The following DROSHA variants were observed in gnomAD, a reference collection of about 807,000 sequenced individuals.
DROSHA encodes drosha ribonuclease III.
Under a neutral mutation model 181.9 loss-of-function variants are expected in DROSHA, and 56 were observed. The observed-to-expected ratio is 0.31, with a 90% CI of 0.25 to 0.38. The LOEUF (loss-of-function observed/expected upper bound fraction) is 0.38, where lower values mean the gene tolerates loss of function less well. Ranked by LOEUF, DROSHA falls within the 10% of genes least tolerant of loss-of-function variation. The pLI is 1.00. For synonymous variants in DROSHA, 524 were observed against 591.2 expected (o/e 0.89, Z 1.65); for missense variants, 1,218 against 1,743.5 (o/e 0.70, Z 5.37).
intron 23 of DROSHA, among the ~76,000 whole-genome samples, chr5:31,439,431 G>A (rs1226326057): frequency 3.9e-5 from 6 of 152,196 alleles, no homozygotes; most frequent in South Asian, 2.1e-4. Context: ...AATAATGGTC[G>A]CAAAGCACAA....
At chr5:31,483,703 C>T (rs1751344236) in intron 15 of DROSHA, 75 bp from the exon 16 acceptor site, 1 of 1,414,540 alleles carries the variant, frequency 7.1e-7, no homozygotes, top group African/African-American at 1.5e-5. Flanking sequence ...AACTTAATTT[C>T]TAAGATTTAT....
intron 7 of DROSHA, 46 bp from the exon 8 acceptor site, chr5:31,515,265 A>G: frequency 6.4e-7 from 1 of 1,556,384 alleles, no homozygotes; most frequent in Non-Finnish European, 8.7e-7. Context: ...ATACTCTTCC[A>G]CTGTAAAAAC....
intron 23 of DROSHA, 29 bp downstream of exon 23, chr5:31,448,518 T>C (rs752662127): frequency 3.2e-6 from 5 of 1,584,496 alleles, no homozygotes; most frequent in Non-Finnish European, 4.3e-6. Flanking sequence ...TATATATCAA[T>C]CAGGTTGTTT....
chr5:31,429,941 A>C (rs1743968840), intron 26 of DROSHA, among the ~76,000 whole-genome samples: 1 of 152,138 alleles, frequency 6.6e-6, no homozygotes, highest in South Asian at 2.1e-4. Flanking sequence ...TACCTAAGGA[A>C]AAAAAAACCT....
chr5:31,490,055 T>C (rs915145394), intron 13 of DROSHA, among the ~76,000 whole-genome samples: 9 of 152,102 alleles, frequency 5.9e-5, no homozygotes, highest in African/African-American at 2.2e-4. Flanking sequence ...TGTGTATTTT[T>C]GGTAGAGACA....
intron 20 of DROSHA, among the ~76,000 whole-genome samples, chr5:31,458,485 AAGAC>A (rs1232176278): frequency 2.0e-5 from 3 of 152,334 alleles, no homozygotes; most frequent in Admixed American, 6.5e-5. Flanking sequence ...TAAATGAAGA[AAGAC>A]AGAATTTGAA....
At chr5:31,451,074 C>A (rs192243833) in intron 21 of DROSHA, among the ~76,000 whole-genome samples, 2 of 151,994 alleles carry the variant, frequency 1.3e-5, no homozygotes, top group Non-Finnish European at 2.9e-5. Context: ...TGGTGGCGGG[C>A]GCCTGTAATT....
intron 15 of DROSHA, among the ~76,000 whole-genome samples, chr5:31,484,651 C>T (rs1026796629): frequency 3.9e-5 from 6 of 152,144 alleles, no homozygotes; most frequent in African/African-American, 1.4e-4. Flanking sequence ...GTACCATCTT[C>T]AAGCCGCTAC....
At chr5:31,504,174 C>T (rs1308562753) in intron 11 of DROSHA, among the ~76,000 whole-genome samples, 1 of 152,102 alleles carries the variant, frequency 6.6e-6, no homozygotes, top group African/African-American at 2.4e-5. Context: ...AAAGGACAGA[C>T]TAACAGAGAG....
rs904306425 is a variant in DROSHA, at chr5:31,470,127, C to G, written c.2241+1936G>C. 1.3e-5 allele frequency among the ~76,000 whole-genome samples: 2 copies of G among 152,298 alleles called. No homozygotes were observed. Among genetic ancestry groups the G allele is most frequent in the Admixed American group, 1.3e-4 (2 of 15,288 alleles). The stretch of plus-strand genomic sequence containing the variant: ...ATAAAAGAATTAACTTCAACACATT[C>G]CTAAGCCTGACACTGAAACTTCCAA... On this transcript the variant is annotated intron_variant, in intron 17 of 35. Coordinates refer to ENST00000344624, the MANE Select transcript of DROSHA (RefSeq NM_001382508.1). The surrounding 1 kb of genome is among the most constrained non-coding windows in gnomAD (Gnocchi z 4.0).
chr5:31,421,387 G>C lies in DROSHA; in HGVS notation c.3420-10C>G. 1 of 1,598,558 alleles carries C rather than the reference G, an allele frequency of 6.3e-7. No individual in the cohort carries two copies. The highest frequency in any genetic ancestry group is 8.6e-7 in the Non-Finnish European group (1 of 1,167,606). ...TCTCTGATTGTGGCCTCTGGAAAAA[G>C]AAACATCAAAGTAAAGAAATCAATA... On this transcript the variant is annotated splice_polypyrimidine_tract_variant and intron_variant, in intron 29 of 35. Coordinates refer to ENST00000344624, the MANE Select transcript of DROSHA (RefSeq NM_001382508.1).
At chr5:31,445,730 C>T (rs1746167401) in intron 23 of DROSHA, among the ~76,000 whole-genome samples, 1 of 152,178 alleles carries the variant, frequency 6.6e-6, no homozygotes, top group South Asian at 2.1e-4. Flanking sequence ...AAATTCAACA[C>T]CATTTCATGA....
At chr5:31,473,869 G>A (rs1480962916) in intron 16 of DROSHA, among the ~76,000 whole-genome samples, 1 of 152,216 alleles carries the variant, frequency 6.6e-6, no homozygotes, top group African/African-American at 2.4e-5. Context: ...AAGAATGTGA[G>A]AGAGGCAGCA....
intron 23 of DROSHA, among the ~76,000 whole-genome samples, chr5:31,437,689 A>G (rs933931186): frequency 1.3e-5 from 2 of 152,290 alleles, no homozygotes; most frequent in South Asian, 4.1e-4. Context: ...AATGTCCTAA[A>G]GACAGTTCCC....
At chr5:31,448,906 A>T (rs184392300) in intron 22 of DROSHA, among the ~76,000 whole-genome samples, 16 of 152,220 alleles carry the variant, frequency 1.1e-4, no homozygotes, top group African/African-American at 3.4e-4. Context: ...GCAGAGGCGG[A>T]TAGATCACTT....
At chr5:31,503,741 T>C (rs972303850) in intron 11 of DROSHA, among the ~76,000 whole-genome samples, 1 of 152,198 alleles carries the variant, frequency 6.6e-6, no homozygotes, top group Admixed American at 6.5e-5. Flanking sequence ...ACCTGAGGCA[T>C]GTGCACAAAC....
At position 31,400,896 on chromosome 5, in the gene DROSHA, T is replaced by C. The variant is rs642321; in HGVS notation, c.*536A>G. On this transcript the variant is annotated 3_prime_UTR_variant, in exon 36 of 36. Coordinates refer to ENST00000344624, the MANE Select transcript of DROSHA (RefSeq NM_001382508.1). The stretch of plus-strand genomic sequence containing the variant: ...CCCCTTCTCCCATTAGCCAATTAAT[T>C]GTTAAACGGATTCCTTCTACAAAAC... The C allele has an allele frequency of 0.75, 118,266 of 156,732 alleles. 44,978 individuals are homozygous for C. Among genetic ancestry groups the C allele is most frequent in the Non-Finnish European group, 0.81 (57,508 of 71,128 alleles). 9.7% of individuals were successfully genotyped at this position (156,732 alleles called of 1,614,324 possible).
At chr5:31,427,790 T>G (rs112617495) in intron 27 of DROSHA, among the ~76,000 whole-genome samples, 58 of 152,298 alleles carry the variant, frequency 3.8e-4, no homozygotes, top group African/African-American at 1.4e-3. Flanking sequence ...TCATGATGCC[T>G]TATTCAAAAA....
intron 35 of DROSHA, 41 bp downstream of exon 35, chr5:31,405,636 T>C: frequency 1.3e-6 from 2 of 1,507,696 alleles, no homozygotes; most frequent in Middle Eastern, 1.7e-4. Context: ...AAAACACTCA[T>C]TACATTATGA....
Sources: gnomAD v4.1 joint callset for allele counts (sites outside exome capture counted in the v4.1 genomes callset) on GRCh38, gnomAD v4.1.1 for gene constraint, Gnocchi (gnomAD v3.1) non-coding constraint, MANE v1.5 for transcripts, NCBI Gene and HGNC (gene_info 2026-07-23, HGNC 2026-07-21) for gene names.